PLCH2: variants seen among roughly 807,000 people sequenced by gnomAD.
PLCH2 encodes the protein phospholipase C eta 2.
A neutral mutation model predicts 134.7 loss-of-function variants in PLCH2; 98 were observed. The observed-to-expected ratio is 0.73, with a 90% confidence interval of 0.62 to 0.86. The LOEUF (loss-of-function observed/expected upper bound fraction) is 0.86. Ranked by LOEUF, PLCH2 falls within the 40% of genes least tolerant of loss-of-function variation. The pLI, the probability that PLCH2 is intolerant of heterozygous loss-of-function variation, is 0.00. For synonymous variants in PLCH2, 974 were observed against 827.5 expected, an observed-to-expected ratio of 1.18 and a Z score of -3.04; for missense variants, 1,994 against 1,986.6, an observed-to-expected ratio of 1.00 and a Z score of -0.07.
intron 11 of PLCH2, among the ~76,000 whole-genome samples, chr1:2,492,950 C>T (rs1008767290): frequency 2.0e-5 from 3 of 152,106 alleles, no homozygotes; most frequent in Admixed American, 2.0e-4. Context: ...GAGCACAACC[C>T]GGTGAGTGCT....
intron 20 of PLCH2, chr1:2,501,877 T>G: frequency 2.2e-6 from 1 of 457,480 alleles, no homozygotes. Flanking sequence ...AAGGGTGGGG[T>G]GGGCCATGTG....
At chr1:2,453,312 T>C (rs1557962139) in intron 2 of PLCH2, among the ~76,000 whole-genome samples, 1 of 152,230 alleles carries the variant, frequency 6.6e-6, no homozygotes, top group Non-Finnish European at 1.5e-5. Flanking sequence ...TGAAGACCCC[T>C]GAGGCATATG....
chr1:2,418,119 C>T, the PLCH2 span, among the ~76,000 whole-genome samples: 92 of 152,338 alleles, frequency 6.0e-4, no homozygotes, highest in African/African-American at 2.1e-3. Context: ...GTGACCGGTG[C>T]GAGGCAGACA....
intron 1 of PLCH2, among the ~76,000 whole-genome samples, 174 bp from the exon 2 acceptor site, chr1:2,478,302 C>G (rs529234160): frequency 2.6e-5 from 4 of 152,186 alleles, no homozygotes; most frequent in Admixed American, 2.6e-4. Flanking sequence ...CTGGCCTTTG[C>G]CCTGTCACTG....
rs1444774854 is a variant in PLCH2, at chr1:2,502,174, C to T, written c.2724C>T (p.Asp908=). The part of the protein sequence containing the change: ...FLRGPKPGSL[D]SHAAGRPPAR... ...GAGGCCCAAAGCCCGGCTCGCTGGA[C>T]AGTCATGCTGCTGGGCGGCCCCCGG... Residue 908 remains aspartate (D), a synonymous_variant, in exon 21 of 22, where the codon GAC becomes GAT. Coordinates refer to ENST00000378486, the MANE Select transcript of PLCH2 (RefSeq NM_014638.4). 11 of 1,520,740 alleles carry T rather than the reference C, an allele frequency of 7.2e-6. No individual in the cohort carries two copies. Among genetic ancestry groups the T allele is most frequent in the Non-Finnish European group, 8.8e-6 (10 of 1,136,752 alleles). The allele number at this position is 1,520,740 out of a possible 1,614,324, so 94.2% of individuals were successfully genotyped here. A position where few individuals can be genotyped will look rare whatever the true frequency, so the allele number is the denominator to read the frequency against.
intron 1 of PLCH2, among the ~76,000 whole-genome samples, chr1:2,469,751 T>C (rs946181208): frequency 6.6e-6 from 1 of 152,210 alleles, no homozygotes; most frequent in Admixed American, 6.5e-5. Flanking sequence ...CTGGACGGAC[T>C]TCCTGTGTGG....
At chr1:2,432,332 TG>T (rs1272056323) in intron 2 of PLCH2, among the ~76,000 whole-genome samples, 1 of 152,124 alleles carries the variant, frequency 6.6e-6, no homozygotes, top group Non-Finnish European at 1.5e-5. Context: ...CGGCTGGGAC[TG>T]GGGCAGGTGG....
rs559324098 is a variant in PLCH2, at chr1:2,478,482, G to A, written c.131G>A (p.Arg44Gln). ...SEWQLGPLVERCMGAMQEGMQ... is the reference protein window; with the variant it reads ...SEWQLGPLVEQCMGAMQEGMQ... ...GTGTCTCTCCCGTGTCCAGTGGAGC[G>A]GTGCATGGGTGCCATGCAAGAGGGG... Residue 44 changes from arginine to glutamine, a missense_variant, in exon 2 of 22, where the codon CGG becomes CAG. By Grantham distance (43) the Arg-to-Gln change is conservative (BLOSUM62 1). This residue lies in a region of PLCH2 where 1,094 missense variants were observed against 1,234.3 expected (regional missense o/e 0.89). Transcript: ENST00000378486. The A allele has an allele frequency of 2.0e-5, 32 of 1,612,578 alleles. No homozygotes were observed. In the Middle Eastern group the frequency reaches 8.3e-4, roughly 42 times the overall value.
rs1382531753 is a variant in PLCH2 at position 2,439,789 on chromosome 1, C to T, written c.115+9160C>T. Among the ~76,000 whole-genome samples, 1 of 152,140 alleles carries T rather than the reference C, an allele frequency of 6.6e-6. No individual in the cohort carries two copies. Among genetic ancestry groups the T allele is most frequent in the South Asian group, 2.1e-4 (1 of 4,824 alleles). On this transcript the variant is annotated intron_variant, in intron 2 of 3. Transcript: ENST00000609981. The surrounding 1 kb of genome is among the most constrained non-coding windows in gnomAD (Gnocchi z 4.7). ...GTCAGAGTCCAGCTGGATTCTTCTC[C>T]ACTGAGGAAAGGCATTGCCTGAGAG...
At position 2,494,984 on chromosome 1, in the gene PLCH2, GGCCCAGTGTCCTCCCTGCTCCCAGT is replaced by G. The variant is rs768462815; in HGVS notation, c.1752+41_1752+65del. 3.9e-5 allele frequency: 56 copies of G among 1,435,500 alleles called. 1 individual carries two copies. The South Asian group carries it at 5.2e-4, about 13-fold the overall frequency. The allele number at this position is 1,435,500 out of a possible 1,614,324, so 88.9% of individuals were successfully genotyped here. On this transcript the variant is annotated intron_variant, in intron 12 of 21. Coordinates refer to ENST00000378486, the MANE Select transcript of PLCH2 (RefSeq NM_014638.4). ...GCTCCCAGGCCAGGGTCCCGGTCTG[GGCCCAGTGTCCTCCCTGCTCCCAGT>G]GCCCCGTGTCCTCCCTGCTCCCAGT... is the stretch of plus-strand genomic sequence containing the variant.
At position 2,487,745 on chromosome 1, in the gene PLCH2, G is replaced by A. The variant is rs755979434; in HGVS notation, c.1235+27G>A. 19 of 1,607,742 alleles carry A rather than the reference G, an allele frequency of 1.2e-5. No individual in the cohort carries two copies. In the South Asian group the frequency reaches 1.7e-4, roughly 14 times the overall value. On this transcript the variant is annotated intron_variant, in intron 8 of 21. Transcript: ENST00000378486. ...TGAGTGGCTGGGCCTAGCGGGGCTGGCCCCAGAGGTGGGCAGGGTAGGGTC... is the reference window on the plus strand; with the variant it reads ...TGAGTGGCTGGGCCTAGCGGGGCTGACCCCAGAGGTGGGCAGGGTAGGGTC...
chr1:2,484,512 T>A lies in PLCH2; in HGVS notation c.710T>A (p.Met237Lys), dbSNP rs140232208. 2 of 1,613,308 alleles carry A rather than the reference T, an allele frequency of 1.2e-6. No individual in the cohort carries two copies. Among genetic ancestry groups the A allele is most frequent in the Non-Finnish European group, 1.7e-6 (2 of 1,179,782 alleles). The change falls in exon 5 of 22, where the codon ATG becomes AAG. Residue 237 changes from methionine to lysine, a missense_variant. Around this residue, in one of 2 missense-constraint regions of PLCH2, gnomAD observed 1,094 missense variants for 1,234.3 expected, o/e 0.89. Transcript: ENST00000378486. ...GFEEFCAFYK[M>K]MSTRRDLYLL... is the part of the protein sequence containing the mutation. ...GAAGAGTTCTGTGCCTTCTACAAGATGATGTCCACCCGCCGGGACCTCTAC... is the reference window on the plus strand; with the variant it reads ...GAAGAGTTCTGTGCCTTCTACAAGAAGATGTCCACCCGCCGGGACCTCTAC...
upstream of PLCH2, among the ~76,000 whole-genome samples, chr1:2,463,464 C>T (rs547120791): frequency 4.7e-4 from 72 of 152,272 alleles, no homozygotes; most frequent in Middle Eastern, 0.01. Context: ...GGGCTGCAGC[C>T]GAGAATCTGT....
At chr1:2,451,487 C>T (rs895645167) in intron 2 of PLCH2, among the ~76,000 whole-genome samples, 6 of 152,230 alleles carry the variant, frequency 3.9e-5, no homozygotes, top group Non-Finnish European at 7.4e-5. Flanking sequence ...AGTAGGGCTT[C>T]TGGAGGAAGC....
chr1:2,504,626 A>G lies in PLCH2; in HGVS notation c.3664A>G (p.Arg1222Gly), dbSNP rs1329321693. 1.2e-6 allele frequency: 2 copies of G among 1,612,582 alleles called. No individual in the cohort carries two copies. The highest frequency in any genetic ancestry group is 2.2e-5 in the East Asian group (1 of 44,884). Residue 1222 changes from arginine to glycine, a missense_variant, in exon 22 of 22, where the codon AGG (arginine) becomes GGG (glycine). Transcript: ENST00000378486. The part of the protein sequence containing the change: ...RPPIPDELQP[R>G]SLAPRMAGLP... Reference sequence around the variant, plus strand: ...TCCCATACCTGACGAACTGCAGCCCAGGTCCCTGGCCCCAAGGATGGCTGG... The same window carrying G: ...TCCCATACCTGACGAACTGCAGCCCGGGTCCCTGGCCCCAAGGATGGCTGG...
chr1:2,452,946 G>A (rs1359654908), intron 2 of PLCH2, among the ~76,000 whole-genome samples: 2 of 152,218 alleles, frequency 1.3e-5, no homozygotes, highest in Non-Finnish European at 2.9e-5. Context: ...CAGGCGGGAA[G>A]TCCCGGCTCA....
chr1:2,455,907 C>T (rs1473356942), intron 2 of PLCH2, among the ~76,000 whole-genome samples: 3 of 152,212 alleles, frequency 2.0e-5, no homozygotes, highest in Non-Finnish European at 2.9e-5. Flanking sequence ...GGGCTGTGTG[C>T]GTGTGTGTGC....
At chr1:2,503,429 G>A (rs1456129741) in intron 21 of PLCH2, 5 of 596,554 alleles carry the variant, frequency 8.4e-6, no homozygotes, top group South Asian at 8.0e-5. Flanking sequence ...GGAGCCTGCT[G>A]AGTGCTGCGT....
At chr1:2,502,643 G>C (rs1643298331) in intron 21 of PLCH2, 2 of 678,162 alleles carry the variant, frequency 2.9e-6, no homozygotes, top group South Asian at 3.3e-5. Context: ...CTCACTGGGG[G>C]CCCCCTGCTG....
Sources: allele counts gnomAD v4.1 joint callset (sites outside exome capture counted in the v4.1 genomes callset), GRCh38; gene constraint gnomAD v4.1.1; regional missense constraint gnomAD v4.1.1; non-coding constraint Gnocchi (gnomAD v3.1); transcripts MANE v1.5; gene names NCBI Gene and HGNC (gene_info 2026-07-23, HGNC 2026-07-21).